DYNC2H1: variants seen among roughly 807,000 people sequenced by gnomAD.
DYNC2H1 encodes the protein dynein cytoplasmic 2 heavy chain 1.
A neutral mutation model predicts 570.0 loss-of-function variants in DYNC2H1; 410 were observed. That is an observed-to-expected ratio of 0.72 (90% CI 0.66 to 0.78). The LOEUF (loss-of-function observed/expected upper bound fraction) is 0.78, where lower values mean the gene tolerates loss of function less well. DYNC2H1 is among the 30% of genes least tolerant of loss of function. The pLI is 0.00. For synonymous variants in DYNC2H1, 1,688 were observed against 1,677.6 expected, an observed-to-expected ratio of 1.01 and a Z score of -0.15; for missense variants, 4,865 against 5,046.4, an observed-to-expected ratio of 0.96 and a Z score of 1.09.
At chr11:103,109,818 C>T in intron 1 of DYNC2H1, 49 bp downstream of exon 1, 1 of 1,549,282 alleles carries the variant, frequency 6.5e-7, no homozygotes, top group Non-Finnish European at 8.8e-7. Context: ...CTTCAAGTCC[C>T]CAGGCCCAGC....
chr11:103,243,792 G>A lies in DYNC2H1; in HGVS notation c.9918+1G>A, dbSNP rs772732648. On this transcript the variant is annotated splice_donor_variant, in intron 64 of 88. Coordinates refer to ENST00000375735, the MANE Select transcript of DYNC2H1 (RefSeq NM_001377.3). LOFTEE classifies it high-confidence loss of function. This position sits in a 1 kb window ranked among gnomAD's most constrained non-coding sequence, Gnocchi z 4.8. ...ACGTTTAGAAGTTATCAATCAGCAG[G>A]TATGTATTATTTATAATTTACATAC... 2 of 1,572,570 alleles carry A rather than the reference G, an allele frequency of 1.3e-6. No individual in the cohort carries two copies. The highest frequency in any genetic ancestry group is 1.7e-6 in the Non-Finnish European group (2 of 1,155,972).
intron 84 of DYNC2H1, chr11:103,404,407 C>G (rs1010119585): frequency 6.6e-6 from 1 of 150,964 alleles, no homozygotes; most frequent in Non-Finnish European, 1.5e-5. Context: ...GTTGTTAGAA[C>G]TTTTCATTTT....
rs1862826020 is a variant in DYNC2H1 at position 103,204,012 on chromosome 11, G to T, written c.8311+236G>T. Among the ~76,000 whole-genome samples, 1 of 152,064 alleles carries T rather than the reference G, an allele frequency of 6.6e-6. No individual in the cohort carries two copies. The highest frequency in any genetic ancestry group is 2.4e-5 in the African/African-American group (1 of 41,418). On this transcript the variant is annotated intron_variant, in intron 51 of 88. Transcript: ENST00000375735. This position sits in a 1 kb window ranked among gnomAD's most constrained non-coding sequence, Gnocchi z 4.1. ...GACACTGAGCAATTTACAAAAGAAA[G>T]AGGTTTATTGGACTCACAGTTCCCA... is the stretch of plus-strand genomic sequence containing the variant.
chr11:103,408,807 T>G (rs899428199), intron 84 of DYNC2H1, among the ~76,000 whole-genome samples: 4 of 152,030 alleles, frequency 2.6e-5, no homozygotes, highest in African/African-American at 7.2e-5. Flanking sequence ...TAGTGCCATT[T>G]TAGTTTAGGT....
In DYNC2H1 at chr11:103,135,885, G is replaced by C; in HGVS notation, c.2511G>C (p.Leu837Phe). Residue 837 changes from leucine (L) to phenylalanine (F), a missense_variant, in exon 17 of 89, where the codon TTG (leucine) becomes TTC (phenylalanine). Transcript: ENST00000375735. ...TTGATAGAAATGCAAGTGGATTTTTGACGATTTTCAGCAAAGCAGAAGATC... is the reference window on the plus strand; with the variant it reads ...TTGATAGAAATGCAAGTGGATTTTTCACGATTTTCAGCAAAGCAGAAGATC... ...IMIDRNASGF[L>F]TIFSKAEDLF... The C allele has an allele frequency of 1.2e-6, 2 of 1,612,960 alleles. No homozygotes were observed. The highest frequency in any genetic ancestry group is 2.2e-5 in the South Asian group (2 of 90,896).
At chr11:103,349,456 T>C (rs1939932767) in intron 82 of DYNC2H1, among the ~76,000 whole-genome samples, 1 of 152,156 alleles carries the variant, frequency 6.6e-6, no homozygotes, top group Non-Finnish European at 1.5e-5. Flanking sequence ...TTAGAGCCAC[T>C]AATTATTCAG....
Position 103,140,827 on chromosome 11 carries a change from C to T in DYNC2H1, c.2575-2441C>T, listed in dbSNP as rs191122302. Among the ~76,000 whole-genome samples the T allele has an allele frequency of 7.0e-3, 1,067 of 152,326 alleles. 9 individuals carry two copies. Among genetic ancestry groups the T allele is most frequent in the African/African-American group, 0.024 (1,007 of 41,566 alleles). ...TCCAACTTGGTTCCATTCTCCCCGT[C>T]ACTTTCAGGTACACCCATCAGACGT... On this transcript the variant is annotated intron_variant, in intron 17 of 88. Coordinates refer to ENST00000375735, the MANE Select transcript of DYNC2H1 (RefSeq NM_001377.3).
intron 83 of DYNC2H1, among the ~76,000 whole-genome samples, chr11:103,390,134 G>C (rs1315227355): frequency 6.6e-6 from 1 of 152,180 alleles, no homozygotes; most frequent in Admixed American, 6.5e-5. Flanking sequence ...GGGAGTCTAA[G>C]TCTCTTTGTA....
intron 85 of DYNC2H1, among the ~76,000 whole-genome samples, chr11:103,452,593 G>A (rs978040450): frequency 2.0e-5 from 3 of 149,818 alleles, no homozygotes; most frequent in Middle Eastern, 3.5e-3. Context: ...CTGAACTCTC[G>A]CCTATGTAAA....
At chr11:103,194,447 C>G (rs1163281910) in intron 47 of DYNC2H1, among the ~76,000 whole-genome samples, 3 of 152,094 alleles carry the variant, frequency 2.0e-5, no homozygotes, top group African/African-American at 7.2e-5. Flanking sequence ...AATGCAATTG[C>G]AGGGTTGTGT....
At chr11:103,356,390 A>AT (rs1940339552) in intron 82 of DYNC2H1, among the ~76,000 whole-genome samples, 1 of 152,220 alleles carries the variant, frequency 6.6e-6, no homozygotes, top group East Asian at 1.9e-4. Context: ...AAATCCTCAC[A>AT]TGTTATTTTT....
chr11:103,312,725 G>GAACA (rs1255815929), intron 79 of DYNC2H1, among the ~76,000 whole-genome samples: 1 of 151,940 alleles, frequency 6.6e-6, no homozygotes, highest in African/African-American at 2.4e-5. Context: ...AAAGTATTAA[G>GAACA]AACAATTTGT....
chr11:103,340,711 CT>C (rs1476145700), intron 82 of DYNC2H1, among the ~76,000 whole-genome samples: 1 of 152,048 alleles, frequency 6.6e-6, no homozygotes, highest in African/African-American at 2.4e-5. Flanking sequence ...GTATATTAAA[CT>C]CTTGGATTGT....
intron 87 of DYNC2H1, among the ~76,000 whole-genome samples, chr11:103,459,718 C>T (rs1254163856): frequency 2.6e-5 from 4 of 151,014 alleles, no homozygotes; most frequent in African/African-American, 9.8e-5. Flanking sequence ...TTTGGGAGGC[C>T]GAGGCGGGTG....
intron 84 of DYNC2H1, among the ~76,000 whole-genome samples, chr11:103,429,108 A>G (rs1943793307): frequency 6.6e-6 from 1 of 152,048 alleles, no homozygotes; most frequent in South Asian, 2.1e-4. Context: ...AAAAAATACA[A>G]AATTTAGCCA....
At chr11:103,290,842 A>G (rs981469011) in intron 75 of DYNC2H1, among the ~76,000 whole-genome samples, 1 of 152,210 alleles carries the variant, frequency 6.6e-6, no homozygotes, top group African/African-American at 2.4e-5. Context: ...TTGCTGAGTT[A>G]TGTTTTAAAG....
At chr11:103,195,329 G>A (rs1862475734) in intron 47 of DYNC2H1, among the ~76,000 whole-genome samples, 1 of 152,184 alleles carries the variant, frequency 6.6e-6, no homozygotes. Flanking sequence ...TCCATTGTGA[G>A]TCAATTTCTG....
At chr11:103,410,168 G>A (rs1943023149) in intron 84 of DYNC2H1, among the ~76,000 whole-genome samples, 1 of 152,072 alleles carries the variant, frequency 6.6e-6, no homozygotes, top group African/African-American at 2.4e-5. Context: ...TACGTGTGTA[G>A]AGAGATTTTA....
At chr11:103,168,328 G>C (rs184906069) in intron 31 of DYNC2H1, among the ~76,000 whole-genome samples, 123 of 152,280 alleles carry the variant, frequency 8.1e-4, no homozygotes, top group East Asian at 3.5e-3. Flanking sequence ...TTGCCAGAAG[G>C]GGGGAAAAAT....
Sources: gnomAD v4.1 joint callset for allele counts (sites outside exome capture counted in the v4.1 genomes callset) on GRCh38, gnomAD v4.1.1 for gene constraint, Gnocchi (gnomAD v3.1) non-coding constraint, MANE v1.5 for transcripts, NCBI Gene and HGNC (gene_info 2026-07-23, HGNC 2026-07-21) for gene names.